Variants in HPSE observed in about 807,000 individuals in gnomAD.
The protein encoded by HPSE is heparanase.
A neutral mutation model predicts 65.1 loss-of-function variants in HPSE; 48 were observed. The observed-to-expected ratio is 0.74, with a 90% CI of 0.58 to 0.94. HPSE has a LOEUF of 0.94. Ranked by LOEUF, HPSE falls within the 40% of genes least tolerant of loss-of-function variation. HPSE has a pLI of 0.00. For synonymous variants in HPSE, 243 were observed against 260.0 expected (o/e 0.93, Z 0.63); for missense variants, 644 against 637.5 (o/e 1.01, Z -0.11).
At chr4:83,321,800 C>T (rs550197780) in intron 2 of HPSE, among the ~76,000 whole-genome samples, 61 of 152,234 alleles carry the variant, frequency 4.0e-4, no homozygotes, top group Non-Finnish European at 7.1e-4. Context: ...CCACAGATCT[C>T]GTTCACCCAT....
intron 8 of HPSE, among the ~76,000 whole-genome samples, chr4:83,308,267 G>C (rs1180240673): frequency 6.6e-6 from 1 of 152,138 alleles, no homozygotes; most frequent in African/African-American, 2.4e-5. Flanking sequence ...AATTAGCCCA[G>C]TGCGGTGATA....
intron 11 of HPSE, among the ~76,000 whole-genome samples, chr4:83,300,626 TAAAACG>T: frequency 4.2e-5 from 1 of 23,900 alleles, no homozygotes. Flanking sequence ...CCATCCGGGC[TAAAACG>T]GTGAAACCCC....
At chr4:83,315,635 C>T (rs1010551848) in intron 3 of HPSE, among the ~76,000 whole-genome samples, 1 of 152,162 alleles carries the variant, frequency 6.6e-6, no homozygotes, top group Admixed American at 6.5e-5. Context: ...AACTCTCCCA[C>T]TTATAGACTA....
At chr4:83,320,647 C>T (rs988209292) in intron 2 of HPSE, among the ~76,000 whole-genome samples, 29 of 152,166 alleles carry the variant, frequency 1.9e-4, no homozygotes, top group Non-Finnish European at 3.8e-4. Context: ...GCAGGGTTGC[C>T]GGGTGCTGGC....
chr4:83,303,599 G>A lies in HPSE; in HGVS notation c.1207-1331C>T, dbSNP rs1000175054. Among the ~76,000 whole-genome samples the A allele has an allele frequency of 2.6e-5, 4 of 152,314 alleles. No individual in the cohort carries two copies. In the South Asian group the frequency reaches 6.2e-4, roughly 24 times the overall value. ...TGGTCTTACTCTGTCACCCAGGCTG[G>A]AGTGCAGTGGTGTGAATGCAGCTTA... On this transcript the variant is annotated intron_variant, in intron 9 of 11. Coordinates refer to ENST00000311412, the MANE Select transcript of HPSE (RefSeq NM_001098540.3).
At position 83,306,260 on chromosome 4, in the gene HPSE, T is replaced by C. The variant is rs1168818310; in HGVS notation, c.1149A>G (p.Gln383=). ...GGTAGTTTCCTGCTCCAAAGAATAC[T>C]TGCCTCATCACCACTTCTATTCCCA... ...ARMGIEVVMR[Q]VFFGAGNYHL... The change falls in exon 9 of 12, where the codon CAA becomes CAG. Residue 383 remains glutamine (Q), a synonymous_variant. Transcript: ENST00000311412. The C allele has an allele frequency of 1.2e-6, 2 of 1,613,962 alleles. No homozygotes were observed. Among genetic ancestry groups the C allele is most frequent in the Non-Finnish European group, 1.7e-6 (2 of 1,179,842 alleles).
rs745921688 is a variant in HPSE, at chr4:83,295,535, A to C, written c.1473-32T>G. 3.3e-6 allele frequency: 5 copies of C among 1,523,606 alleles called. No homozygotes were observed. The African/African-American group carries it at 6.9e-5, about 21-fold the overall frequency. The allele number at this position is 1,523,606 out of a possible 1,614,324, so 94.4% of individuals were successfully genotyped here. On this transcript the variant is annotated intron_variant, in intron 11 of 11. Coordinates refer to ENST00000311412, the MANE Select transcript of HPSE (RefSeq NM_001098540.3). The stretch of plus-strand genomic sequence containing the variant: ...AGGAGAAAGATACACCGAGTTAACC[A>C]AGTGGTGCATGCCCCACCCATGCTG...
In HPSE at chr4:83,332,580, A is replaced by C. The variant is rs561146587; in HGVS notation, c.227+1976T>G. Among the ~76,000 whole-genome samples, 37 of 152,374 alleles carry C rather than the reference A, an allele frequency of 2.4e-4. 1 individual carries two copies. The South Asian group carries it at 7.4e-3, about 31-fold the overall frequency. On this transcript the variant is annotated intron_variant, in intron 1 of 11. Coordinates refer to ENST00000311412, the MANE Select transcript of HPSE (RefSeq NM_001098540.3). ...ATTTCATTATACTCCAGTCTTTAAC[A>C]AAAAGGTGCAGAGGAGGGGAAAAAA... is the stretch of plus-strand genomic sequence containing the variant.
chr4:83,334,414 G>T, intron 1 of HPSE, 142 bp downstream of exon 1: 2 of 908,546 alleles, frequency 2.2e-6, no homozygotes, highest in Non-Finnish European at 3.3e-6. Context: ...AGAATGAGAG[G>T]CGGGAAGTGG....
intron 8 of HPSE, among the ~76,000 whole-genome samples, chr4:83,308,584 T>C (rs1736239882): frequency 2.0e-5 from 3 of 152,214 alleles, no homozygotes; most frequent in Admixed American, 2.0e-4. Context: ...GAGTAAGGAC[T>C]ACTTGACATA....
intron 11 of HPSE, among the ~76,000 whole-genome samples, chr4:83,300,567 C>A (rs200744333): frequency 4.7e-5 from 2 of 42,590 alleles, no homozygotes; most frequent in Non-Finnish European, 6.5e-5. Flanking sequence ...AGAATTATTA[C>A]ACTTTGGGAG....
rs551760835 is a variant in HPSE, at chr4:83,304,258, C to G, written c.1206+1945G>C. On this transcript the variant is annotated intron_variant, in intron 9 of 11. Coordinates refer to ENST00000311412, the MANE Select transcript of HPSE (RefSeq NM_001098540.3). The stretch of plus-strand genomic sequence containing the variant: ...GTGCCATCTCTACACTGATAAGGGT[C>G]TGAAGTTATCTTCAGTGATTAACTC... Among the ~76,000 whole-genome samples the G allele has an allele frequency of 1.2e-4, 19 of 152,230 alleles. No individual in the cohort carries two copies. The South Asian group carries it at 3.9e-3, about 32-fold the overall frequency.
chr4:83,324,113 C>CTTTTTTTTTTTTTTTTTT lies in HPSE; in HGVS notation c.228-1767_228-1750dup, dbSNP rs398051210. Among the ~76,000 whole-genome samples, 11 of 74,742 alleles carry CTTTTTTTTTTTTTTTTTT rather than the reference C, an allele frequency of 1.5e-4. 1 individual carries two copies. The highest frequency in any genetic ancestry group is 3.1e-4 in the African/African-American group (6 of 19,184). The allele number at this position is 74,742 out of a possible 152,430, so 49.0% of individuals were successfully genotyped here. ...CTGATTGCCAATACTTCTTCTTCTT[C>CTTTTTTTTTTTTTTTTTT]TTTTTTTTTTTTTTTTTTTTTTTTT... is the stretch of plus-strand genomic sequence containing the variant. On this transcript the variant is annotated intron_variant, in intron 1 of 11. Coordinates refer to ENST00000311412, the MANE Select transcript of HPSE (RefSeq NM_001098540.3).
chr4:83,322,813 G>C (rs1444719867), intron 1 of HPSE, among the ~76,000 whole-genome samples: 1 of 147,242 alleles, frequency 6.8e-6, no homozygotes, highest in Non-Finnish European at 1.5e-5. Context: ...GTGTGTGTGT[G>C]TGTGTGTGTG....
At chr4:83,301,137 T>C in intron 10 of HPSE, 31 bp from the exon 11 acceptor site, 2 of 1,423,874 alleles carry the variant, frequency 1.4e-6, no homozygotes, top group Non-Finnish European at 1.9e-6. Context: ...TTAATAGAAA[T>C]ATGTATCTAA....
At chr4:83,310,436 G>A (rs1736322598) in intron 5 of HPSE, among the ~76,000 whole-genome samples, 1 of 151,888 alleles carries the variant, frequency 6.6e-6, no homozygotes, top group African/African-American at 2.4e-5. Context: ...GGAGGCTGAG[G>A]TGGAAGGATG....
At chr4:83,298,477 T>G (rs796274826) in intron 11 of HPSE, among the ~76,000 whole-genome samples, 14 of 150,854 alleles carry the variant, frequency 9.3e-5, no homozygotes, top group African/African-American at 3.2e-4. Flanking sequence ...TCTCTATTTT[T>G]TTTTAAAAAA....
intron 11 of HPSE, among the ~76,000 whole-genome samples, chr4:83,299,598 T>C (rs1052925906): frequency 6.6e-6 from 1 of 152,124 alleles, no homozygotes; most frequent in Admixed American, 6.6e-5. Context: ...AAAGCGTGCT[T>C]ACTGTACTGC....
intron 9 of HPSE, 82 bp downstream of exon 9, chr4:83,306,121 C>T (rs1736138015): frequency 1.3e-6 from 1 of 751,716 alleles, no homozygotes. Context: ...AGAGGACTGA[C>T]TGTTCATAGG....
Sources: allele counts gnomAD v4.1 joint callset (sites outside exome capture counted in the v4.1 genomes callset), GRCh38; gene constraint gnomAD v4.1.1; transcripts MANE v1.5; gene names NCBI Gene and HGNC (gene_info 2026-07-23, HGNC 2026-07-21).